CDH18: variants seen among roughly 807,000 people sequenced by gnomAD.
CDH18 encodes the protein cadherin-18.
CDH18 carries 31 observed loss-of-function variants against 67.9 expected under a neutral mutation model. That is an observed-to-expected ratio of 0.46 (90% confidence interval 0.34 to 0.62). The LOEUF is 0.62. Among genes scored for constraint, CDH18 ranks in the 20% least tolerant of loss-of-function variants. The pLI is 0.01. For synonymous variants in CDH18, 362 were observed against 347.2 expected, an observed-to-expected ratio of 1.04 and a Z score of -0.48; for missense variants, 890 against 975.5, an observed-to-expected ratio of 0.91 and a Z score of 1.17.
At chr5:20,015,982 A>C (rs1212456381) in intron 2 of CDH18, among the ~76,000 whole-genome samples, 1 of 152,160 alleles carries the variant, frequency 6.6e-6, no homozygotes, top group Non-Finnish European at 1.5e-5. Flanking sequence ...AAGGGAATAT[A>C]AATTGTTCTA....
chr5:20,185,646 T>C (rs1738038860), intron 2 of CDH18, among the ~76,000 whole-genome samples: 1 of 152,082 alleles, frequency 6.6e-6, no homozygotes, highest in Non-Finnish European at 1.5e-5. Flanking sequence ...GCTCACTCTT[T>C]AACTTCCTTA....
intron 2 of CDH18, among the ~76,000 whole-genome samples, chr5:19,865,826 G>T (rs1038603336): frequency 1.3e-5 from 2 of 152,078 alleles, no homozygotes; most frequent in African/African-American, 4.8e-5. Context: ...GGTGTTTCAT[G>T]GACAGAACTT....
intron 5 of CDH18, among the ~76,000 whole-genome samples, chr5:19,675,498 G>A (rs552820356): frequency 6.6e-6 from 1 of 152,068 alleles, no homozygotes; most frequent in Non-Finnish European, 1.5e-5. Flanking sequence ...GTTCCTTGCT[G>A]AGAAAAAGAA....
At chr5:20,157,192 T>G (rs1751596802) in intron 2 of CDH18, among the ~76,000 whole-genome samples, 1 of 151,994 alleles carries the variant, frequency 6.6e-6, no homozygotes, top group Non-Finnish European at 1.5e-5. Flanking sequence ...ATTTCTAGAG[T>G]TTTTTATTTA....
At chr5:19,907,050 A>G (rs1790617619) in intron 2 of CDH18, among the ~76,000 whole-genome samples, 1 of 152,040 alleles carries the variant, frequency 6.6e-6, no homozygotes. Context: ...TAAAAAGAAC[A>G]TGATGATTGC....
intron 1 of CDH18, among the ~76,000 whole-genome samples, chr5:20,334,735 C>A (rs563457444): frequency 0.037 from 4,946 of 133,472 alleles, 99 homozygotes; most frequent in East Asian, 0.074. Context: ...TATGATCTCT[C>A]TCTCTCTCTC....
intron 2 of CDH18, among the ~76,000 whole-genome samples, chr5:19,965,920 C>T (rs1297470501): frequency 6.6e-6 from 1 of 152,116 alleles, no homozygotes; most frequent in Non-Finnish European, 1.5e-5. Flanking sequence ...AGACAGTGTG[C>T]ATGCAGTACA....
chr5:19,762,778 A>G (rs747737168), intron 3 of CDH18, among the ~76,000 whole-genome samples: 1 of 152,172 alleles, frequency 6.6e-6, no homozygotes, highest in Non-Finnish European at 1.5e-5. Flanking sequence ...AAATCATGCT[A>G]CCATAAAGAC....
chr5:19,546,412 A>G (rs930324961), intron 8 of CDH18, among the ~76,000 whole-genome samples: 4 of 152,186 alleles, frequency 2.6e-5, no homozygotes, highest in Non-Finnish European at 5.9e-5. Flanking sequence ...GATGCTTTTG[A>G]AAAAGGGGAC....
intron 2 of CDH18, among the ~76,000 whole-genome samples, chr5:20,176,063 A>G (rs975923067): frequency 4.6e-5 from 7 of 152,008 alleles, no homozygotes; most frequent in Non-Finnish European, 1.0e-4. Flanking sequence ...TCCCCCAACA[A>G]CCCTTTCTCC....
intron 2 of CDH18, among the ~76,000 whole-genome samples, chr5:19,850,402 G>A (rs1185847246): frequency 6.6e-6 from 1 of 151,760 alleles, no homozygotes; most frequent in Non-Finnish European, 1.5e-5. Flanking sequence ...ATAATGTTTA[G>A]GGTAGATGTG....
At chr5:19,810,390 A>G (rs1004369808) in intron 3 of CDH18, among the ~76,000 whole-genome samples, 3 of 152,036 alleles carry the variant, frequency 2.0e-5, no homozygotes, top group Non-Finnish European at 4.4e-5. Context: ...GGAAAGAGAC[A>G]TTTTAAGACA....
chr5:19,668,180 G>T (rs1004592214), intron 5 of CDH18, among the ~76,000 whole-genome samples: 5 of 151,922 alleles, frequency 3.3e-5, no homozygotes, highest in African/African-American at 9.7e-5. Context: ...AGCATTCTAT[G>T]CAATTACATT....
chr5:20,142,051 T>C (rs948750722), intron 2 of CDH18, among the ~76,000 whole-genome samples: 1 of 151,970 alleles, frequency 6.6e-6, no homozygotes, highest in Non-Finnish European at 1.5e-5. Flanking sequence ...ATTAGATAAA[T>C]ATAAATAAGG....
At chr5:20,544,407 A>G (rs6871265) in intron 1 of CDH18, among the ~76,000 whole-genome samples, 66,572 of 151,510 alleles carry the variant, frequency 0.44, 14,988 homozygotes, top group East Asian at 0.57. Context: ...TATCATATTA[A>G]TCTGTTCTCA....
At chr5:19,576,389 C>T (rs1742318745) in intron 7 of CDH18, among the ~76,000 whole-genome samples, 1 of 143,278 alleles carries the variant, frequency 7.0e-6, no homozygotes. Flanking sequence ...ACTCAAACTA[C>T]TCAAAAAAAA....
intron 4 of CDH18, among the ~76,000 whole-genome samples, chr5:19,745,837 G>A (rs1769922348): frequency 6.6e-6 from 1 of 151,986 alleles, no homozygotes; most frequent in South Asian, 2.1e-4. Context: ...TACCTGCCTA[G>A]CTCAAGAAGA....
intron 3 of CDH18, among the ~76,000 whole-genome samples, chr5:19,821,576 G>C (rs895258438): frequency 6.6e-6 from 1 of 152,058 alleles, no homozygotes; most frequent in Non-Finnish European, 1.5e-5. Context: ...TCTTGCTAGA[G>C]AGGTAGACAA....
At chr5:20,547,265 A>G (rs1268436968) in intron 1 of CDH18, among the ~76,000 whole-genome samples, 1 of 152,090 alleles carries the variant, frequency 6.6e-6, no homozygotes, top group African/African-American at 2.4e-5. Context: ...AACCCAAGAT[A>G]CTAAAAGAAT....
Sources: allele counts gnomAD v4.1 joint callset (sites outside exome capture counted in the v4.1 genomes callset), GRCh38; gene constraint gnomAD v4.1.1; transcripts MANE v1.5; gene names NCBI Gene and HGNC (gene_info 2026-07-23, HGNC 2026-07-21).